Variants in MAPK8IP3 observed in about 807,000 individuals in gnomAD.
MAPK8IP3 encodes the protein C-Jun-amino-terminal kinase-interacting protein 3.
In MAPK8IP3, 49 loss-of-function variants were observed where a neutral mutation model predicts 157.8. The ratio of observed to expected loss-of-function variants is 0.31; its 90% confidence interval spans 0.25 to 0.39. MAPK8IP3 has a LOEUF of 0.39. Among genes scored for constraint, MAPK8IP3 ranks in the 10% least tolerant of loss-of-function variants. The pLI, the probability that MAPK8IP3 is intolerant of heterozygous loss-of-function variation, is 1.00. For missense variants in MAPK8IP3, 1,478 were observed against 1,889.4 expected (o/e 0.78, Z 4.04); for synonymous variants, 897 against 777.7 (o/e 1.15, Z -2.55).
rs73501650 is a variant in MAPK8IP3 at position 1,741,720 on chromosome 16, G to T, written c.603-1612G>T. On this transcript the variant is annotated intron_variant, in intron 4 of 31. Transcript: ENST00000610761. The surrounding 1 kb of genome is among the most constrained non-coding windows in gnomAD (Gnocchi z 6.9). Reference sequence around the variant, plus strand: ...GGGCCTGGTGGCTGGCTGCCTTCACGGTGGCCAGGGAACCTCATGGCTGTT... The same window carrying T: ...GGGCCTGGTGGCTGGCTGCCTTCACTGTGGCCAGGGAACCTCATGGCTGTT... 6.6e-6 allele frequency among the ~76,000 whole-genome samples: 1 copy of T among 152,084 alleles called. No individual in the cohort carries two copies. The highest frequency in any genetic ancestry group is 6.5e-5 in the Admixed American group (1 of 15,276).
chr16:1,748,293 C>T lies in MAPK8IP3; in HGVS notation c.1044C>T (p.Ser348=). Residue 348 remains serine (S), a synonymous_variant, in exon 7 of 32, where the codon TCC becomes TCT. Coordinates refer to ENST00000610761, the MANE Select transcript of MAPK8IP3 (RefSeq NM_001318852.2). Reference sequence around the variant, plus strand: ...CTGATGTTCAAGACATTATTGACTCCACGCCAGAGCTGGACATGTGTCCAG... The same window carrying T: ...CTGATGTTCAAGACATTATTGACTCTACGCCAGAGCTGGACATGTGTCCAG... ...EWSDVQDIID[S]TPELDMCPET... is the part of the protein sequence containing the mutation. The T allele has an allele frequency of 3.7e-6, 6 of 1,614,004 alleles. No individual in the cohort carries two copies. Among genetic ancestry groups the T allele is most frequent in the Non-Finnish European group, 5.1e-6 (6 of 1,180,022 alleles).
chr16:1,738,299 T>C (rs2040225460), intron 4 of MAPK8IP3, among the ~76,000 whole-genome samples: 1 of 76,274 alleles, frequency 1.3e-5, no homozygotes, highest in Non-Finnish European at 2.6e-5. Context: ...CATGTGAGCA[T>C]CTGTGTGACC....
intron 1 of MAPK8IP3, among the ~76,000 whole-genome samples, chr16:1,718,650 C>T (rs76432281): frequency 1.3e-5 from 2 of 151,556 alleles, no homozygotes; most frequent in Admixed American, 6.6e-5. Context: ...AAAAATTAGC[C>T]GGGCATGGTG....
chr16:1,715,225 C>T (rs958508911), intron 1 of MAPK8IP3, among the ~76,000 whole-genome samples: 3 of 152,114 alleles, frequency 2.0e-5, no homozygotes, highest in African/African-American at 7.2e-5. Flanking sequence ...TTTGGAGTCC[C>T]GAGCTAGTGG....
intron 4 of MAPK8IP3, among the ~76,000 whole-genome samples, chr16:1,733,550 C>T (rs2039452759): frequency 6.6e-6 from 1 of 152,218 alleles, no homozygotes; most frequent in Admixed American, 6.5e-5. Context: ...TGGTGTGGGG[C>T]AGAAGGTGGC....
chr16:1,715,318 G>A (rs1428602142), intron 1 of MAPK8IP3, among the ~76,000 whole-genome samples: 1 of 152,086 alleles, frequency 6.6e-6, no homozygotes, highest in Non-Finnish European at 1.5e-5. Flanking sequence ...AGGCTTCAGG[G>A]GCAGCTTTGT....
In MAPK8IP3 at chr16:1,748,235, C is replaced by T; in HGVS notation, c.995-9C>T. 1 of 1,607,994 alleles carries T rather than the reference C, an allele frequency of 6.2e-7. No homozygotes were observed. Among genetic ancestry groups the T allele is most frequent in the Non-Finnish European group, 8.5e-7 (1 of 1,174,694 alleles). On this transcript the variant is annotated splice_polypyrimidine_tract_variant and intron_variant, in intron 6 of 31. Transcript: ENST00000610761. ...TCCTGACCCCAGGTGCCCCTGTGCTCTCCCCTAGGCATGGGCAGCAGTGAC... is the reference window on the plus strand; with the variant it reads ...TCCTGACCCCAGGTGCCCCTGTGCTTTCCCCTAGGCATGGGCAGCAGTGAC...
At position 1,729,529 on chromosome 16, in the gene MAPK8IP3, C is replaced by T; in HGVS notation, c.553C>T (p.Gln185Ter). 1 of 1,612,578 alleles carries T rather than the reference C, an allele frequency of 6.2e-7. No homozygotes were observed. The highest frequency in any genetic ancestry group is 8.5e-7 in the Non-Finnish European group (1 of 1,179,616). ...GGAGCACATTGAGAGGTCCAAGATGCAGCAGGTCGGAGGAAACAGCCAGAC... is the reference window on the plus strand; with the variant it reads ...GGAGCACATTGAGAGGTCCAAGATGTAGCAGGTCGGAGGAAACAGCCAGAC... ...YVEHIERSKM[Q>*]QVGGNSQTES... Residue 185 changes from glutamine (Q) to a stop codon, truncating the protein, a stop_gained, in exon 4 of 32, where the codon CAG becomes TAG. Coordinates refer to ENST00000610761, the MANE Select transcript of MAPK8IP3 (RefSeq NM_001318852.2). LOFTEE classifies it high-confidence loss of function.
intron 1 of MAPK8IP3, among the ~76,000 whole-genome samples, chr16:1,716,910 T>A (rs1481456706): frequency 6.6e-6 from 1 of 151,746 alleles, no homozygotes; most frequent in Non-Finnish European, 1.5e-5. Flanking sequence ...ATAAAAAAAA[T>A]TAGCCGCGTG....
At chr16:1,734,298 A>T (rs998198033) in intron 4 of MAPK8IP3, among the ~76,000 whole-genome samples, 3 of 152,222 alleles carry the variant, frequency 2.0e-5, no homozygotes, top group African/African-American at 7.2e-5. Flanking sequence ...GGGCAGGGCT[A>T]TGGCTGGGCT....
rs1396340814 is a variant in MAPK8IP3, at chr16:1,760,494, G to A, written c.1419G>A (p.Leu473=). 3.1e-6 allele frequency: 5 copies of A among 1,613,880 alleles called. No individual in the cohort carries two copies. Among genetic ancestry groups the A allele is most frequent in the Middle Eastern group, 1.7e-4 (1 of 6,042 alleles). The part of the protein sequence containing the change: ...LEAAKQAKVK[L]ENRIKELEEE... ...CTGCTAAGCAGGCCAAAGTCAAGCT[G>A]GAAAACCGTATCAAGGAGCTGGAAG... The change falls in exon 12 of 32, where the codon CTG becomes CTA. Residue 473 remains leucine, a synonymous_variant. Coordinates refer to ENST00000610761, the MANE Select transcript of MAPK8IP3 (RefSeq NM_001318852.2).
At chr16:1,725,012 A>G (rs1213660946) in intron 2 of MAPK8IP3, among the ~76,000 whole-genome samples, 8 of 151,950 alleles carry the variant, frequency 5.3e-5, no homozygotes, top group Non-Finnish European at 1.0e-4. Flanking sequence ...ACCTCTTCAC[A>G]CTGCTGAGGA....
rs776357522 is a variant in MAPK8IP3 at position 1,767,589 on chromosome 16, G to A, written c.3263G>A (p.Arg1088Gln). The change falls in exon 27 of 32, where the codon CGG (arginine) becomes CAG (glutamine). Residue 1088 changes from arginine to glutamine, a missense_variant. Coordinates refer to ENST00000610761, the MANE Select transcript of MAPK8IP3 (RefSeq NM_001318852.2). ...AAGTCATTTGACGCCCACCCGCGGCGGGAGAGCCAGGTGCGGCAGCTGGCG... is the reference window on the plus strand; with the variant it reads ...AAGTCATTTGACGCCCACCCGCGGCAGGAGAGCCAGGTGCGGCAGCTGGCG... ...IEKSFDAHPR[R>Q]ESQVRQLAWI... 2 of 1,612,220 alleles carry A rather than the reference G, an allele frequency of 1.2e-6. No homozygotes were observed. Among genetic ancestry groups the A allele is most frequent in the Non-Finnish European group, 1.7e-6 (2 of 1,179,806 alleles).
rs1292091362 is a variant in MAPK8IP3 at position 1,729,163 on chromosome 16, G to A, written c.465G>A (p.Ser155=). 3 of 1,614,046 alleles carry A rather than the reference G, an allele frequency of 1.9e-6. No homozygotes were observed. Among genetic ancestry groups the A allele is most frequent in the Non-Finnish European group, 2.5e-6 (3 of 1,180,002 alleles). ...DQISRLEERE[S]EMKKEYNALH... ...TTTCCCGGTTGGAGGAGCGGGAGTC[G>A]GAGATGAAGAAGGAGTACAATGCCC... The change falls in exon 3 of 32, where the codon TCG becomes TCA. Residue 155 remains serine, a synonymous_variant. Coordinates refer to ENST00000610761, the MANE Select transcript of MAPK8IP3 (RefSeq NM_001318852.2).
At position 1,741,294 on chromosome 16, in the gene MAPK8IP3, G is replaced by A. The variant is rs1371763939; in HGVS notation, c.603-2038G>A. Among the ~76,000 whole-genome samples the A allele has an allele frequency of 2.0e-5, 3 of 152,186 alleles. No homozygotes were observed. Among genetic ancestry groups the A allele is most frequent in the Non-Finnish European group, 2.9e-5 (2 of 68,028 alleles). On this transcript the variant is annotated intron_variant, in intron 4 of 31. Coordinates refer to ENST00000610761, the MANE Select transcript of MAPK8IP3 (RefSeq NM_001318852.2). This position sits in a 1 kb window ranked among gnomAD's most constrained non-coding sequence, Gnocchi z 6.9. ...GGGAGGACGGGGTCAGTCGGCAAAC[G>A]CTCACGAGCCTGAGGCCAGGGCCTG...
chr16:1,735,042 C>CG (rs1246020234), intron 4 of MAPK8IP3: 4 of 153,712 alleles, frequency 2.6e-5, no homozygotes, highest in Admixed American at 6.5e-5. Flanking sequence ...GCGCAGTGCA[C>CG]GGCACTGGGG....
intron 1 of MAPK8IP3, among the ~76,000 whole-genome samples, chr16:1,708,135 T>G (rs950325900): frequency 1.3e-5 from 2 of 152,174 alleles, no homozygotes; most frequent in Non-Finnish European, 2.9e-5. Context: ...GAGCTCAGGG[T>G]GACTATAGGC....
At chr16:1,739,084 C>T (rs1249196691) in intron 4 of MAPK8IP3, among the ~76,000 whole-genome samples, 1 of 124,522 alleles carries the variant, frequency 8.0e-6, no homozygotes, top group East Asian at 2.6e-4. Context: ...GTGTGACCAT[C>T]CATGTGAGCA....
At position 1,769,099 on chromosome 16, in the gene MAPK8IP3, T is replaced by C. The variant is rs372928118; in HGVS notation, c.*275T>C. On this transcript the variant is annotated 3_prime_UTR_variant, in exon 32 of 32. Transcript: ENST00000610761. The stretch of plus-strand genomic sequence containing the variant: ...CAGCTTCCAGCCCAGAGTCCTCAAG[T>C]CCAGGGCACCTTGGGCCCAGCGCAG... 2.5e-4 allele frequency: 122 copies of C among 492,072 alleles called. No homozygotes were observed. Among genetic ancestry groups the C allele is most frequent in the African/African-American group, 2.2e-3 (115 of 51,270 alleles). 30.5% of individuals were successfully genotyped at this position (492,072 alleles called of 1,614,324 possible).
Sources: gnomAD v4.1 joint callset for allele counts (sites outside exome capture counted in the v4.1 genomes callset) on GRCh38, gnomAD v4.1.1 for gene constraint, Gnocchi (gnomAD v3.1) non-coding constraint, MANE v1.5 for transcripts, NCBI Gene and HGNC (gene_info 2026-07-23, HGNC 2026-07-21) for gene names.